The following FRMD4A variants were observed in gnomAD, a reference collection of about 807,000 sequenced individuals.
FRMD4A encodes the protein FERM domain-containing protein 4A.
FRMD4A carries 29 observed loss-of-function variants against 129.1 expected under a neutral mutation model. The observed-to-expected ratio is 0.22, with a 90% confidence interval of 0.17 to 0.31. The LOEUF is 0.31. FRMD4A is among the 10% of genes least tolerant of loss of function. The probability of loss-of-function intolerance (pLI) is 1.00; values close to 1 mark genes in which losing one functional copy is unlikely to be tolerated. For synonymous variants in FRMD4A, 634 were observed against 571.6 expected, an observed-to-expected ratio of 1.11 and a Z score of -1.56; for missense variants, 1,272 against 1,375.8, an observed-to-expected ratio of 0.92 and a Z score of 1.19.
rs201346445 is a variant in FRMD4A at position 14,128,062 on chromosome 10, T to C, written c.45+201996A>G. On this transcript the variant is annotated intron_variant, in intron 2 of 24. Transcript: ENST00000357447. ...TTTCTTTCCCTCTTTCTTTCTTTCTTTCTTTCTTTCTTTCTTTCTTTCTTT... is the reference window on the plus strand; with the variant it reads ...TTTCTTTCCCTCTTTCTTTCTTTCTCTCTTTCTTTCTTTCTTTCTTTCTTT... Among the ~76,000 whole-genome samples, 291 of 63,390 alleles carry C rather than the reference T, an allele frequency of 4.6e-3. 2 individuals are homozygous for C. The highest frequency in any genetic ancestry group is 0.021 in the Admixed American group (112 of 5,426). 41.6% of individuals were successfully genotyped at this position (63,390 alleles called of 152,430 possible).
intron 15 of FRMD4A, 193 bp downstream of exon 15, chr10:13,693,705 T>A: frequency 7.2e-6 from 5 of 692,914 alleles, no homozygotes; most frequent in East Asian, 3.0e-5. Flanking sequence ...TTTTTTTCCC[T>A]TCCACTATTT....
intron 2 of FRMD4A, among the ~76,000 whole-genome samples, chr10:14,060,060 T>C (rs1429924448): frequency 6.6e-6 from 1 of 152,200 alleles, no homozygotes; most frequent in Non-Finnish European, 1.5e-5. Context: ...CTTTAACTAC[T>C]CTATCTCTAA....
At chr10:13,813,499 C>T (rs752351539) in intron 3 of FRMD4A, among the ~76,000 whole-genome samples, 2 of 152,160 alleles carry the variant, frequency 1.3e-5, no homozygotes, top group Non-Finnish European at 2.9e-5. Flanking sequence ...GGGGCTACAT[C>T]GTGGTAAGCT....
At chr10:14,031,866 G>C (rs572127760) in intron 2 of FRMD4A, among the ~76,000 whole-genome samples, 1 of 149,482 alleles carries the variant, frequency 6.7e-6, no homozygotes, top group Non-Finnish European at 1.5e-5. Context: ...ACCCAACTCT[G>C]ACTTAGATTT....
At chr10:13,658,149 A>G (rs998467349) in intron 21 of FRMD4A, among the ~76,000 whole-genome samples, 21 of 150,960 alleles carry the variant, frequency 1.4e-4, no homozygotes, top group African/African-American at 4.4e-4. Flanking sequence ...AAAAAAAAAA[A>G]AAAAAAAAGA....
At chr10:14,197,163 CTCAGTTGT>C (rs1248430011) in intron 2 of FRMD4A, among the ~76,000 whole-genome samples, 2 of 152,154 alleles carry the variant, frequency 1.3e-5, no homozygotes, top group African/African-American at 4.8e-5. Context: ...GGTCTGGTAC[CTCAGTTGT>C]TCAATTCATT....
intron 5 of FRMD4A, among the ~76,000 whole-genome samples, chr10:13,784,806 A>G (rs1193106287): frequency 6.6e-6 from 1 of 152,156 alleles, no homozygotes; most frequent in Non-Finnish European, 1.5e-5. Context: ...CCTGGCCACC[A>G]TGGTGAAACC....
Position 13,749,577 on chromosome 10 carries a change from C to G in FRMD4A, c.465-1758G>C, listed in dbSNP as rs573703702. Among the ~76,000 whole-genome samples, 3 of 152,268 alleles carry G rather than the reference C, an allele frequency of 2.0e-5. No homozygotes were observed. The East Asian group carries it at 5.8e-4, about 29-fold the overall frequency. On this transcript the variant is annotated intron_variant, in intron 8 of 24. Transcript: ENST00000357447. ...AGCGTCACCATTGGATGCCCAGTGC[C>G]ACTGGGCAAAACCACACCAATACAC... is the stretch of plus-strand genomic sequence containing the variant.
At chr10:13,663,947 A>G (rs2082827153) in intron 18 of FRMD4A, among the ~76,000 whole-genome samples, 1 of 152,232 alleles carries the variant, frequency 6.6e-6, no homozygotes, top group Non-Finnish European at 1.5e-5. Context: ...TGTGGCAATA[A>G]ATGGCTTCTC....
At chr10:13,776,622 G>C (rs1281088003) in intron 6 of FRMD4A, among the ~76,000 whole-genome samples, 3 of 152,164 alleles carry the variant, frequency 2.0e-5, no homozygotes, top group South Asian at 2.1e-4. Flanking sequence ...CTATTACTTT[G>C]ATAGAAACAA....
chr10:14,091,312 C>A (rs2131752397), intron 2 of FRMD4A, among the ~76,000 whole-genome samples: 1 of 152,198 alleles, frequency 6.6e-6, no homozygotes, highest in Non-Finnish European at 1.5e-5. Flanking sequence ...TCCAACACAC[C>A]ACTAGAACTC....
intron 2 of FRMD4A, among the ~76,000 whole-genome samples, chr10:14,027,861 C>T (rs527787227): frequency 3.2e-4 from 49 of 152,262 alleles, no homozygotes; most frequent in Admixed American, 2.6e-3. Context: ...CTGAAGAATG[C>T]ACAGGAAATT....
chr10:13,809,683 G>T (rs1012526163), intron 4 of FRMD4A, among the ~76,000 whole-genome samples: 2 of 152,134 alleles, frequency 1.3e-5, no homozygotes, highest in Non-Finnish European at 2.9e-5. Flanking sequence ...GCTCCTCCCA[G>T]CTTTCTTGAG....
intron 2 of FRMD4A, among the ~76,000 whole-genome samples, chr10:13,921,205 T>C (rs1352809732): frequency 6.6e-6 from 1 of 152,096 alleles, no homozygotes; most frequent in Admixed American, 6.5e-5. Context: ...TTTAGTTTTC[T>C]CTCTCTTTTT....
chr10:13,977,377 G>A (rs142652554), intron 2 of FRMD4A, among the ~76,000 whole-genome samples: 4 of 152,242 alleles, frequency 2.6e-5, no homozygotes, highest in Non-Finnish European at 4.4e-5. Context: ...ACTGAATGCC[G>A]TTAAGCAATC....
intron 2 of FRMD4A, among the ~76,000 whole-genome samples, chr10:14,229,843 A>G (rs1843575781): frequency 6.6e-6 from 1 of 152,254 alleles, no homozygotes; most frequent in Admixed American, 6.5e-5. Flanking sequence ...ATCACATTGT[A>G]ACAAAGCTGA....
chr10:14,089,353 G>A (rs559263070), intron 2 of FRMD4A, among the ~76,000 whole-genome samples: 2 of 152,010 alleles, frequency 1.3e-5, no homozygotes, highest in Non-Finnish European at 2.9e-5. Flanking sequence ...CACCAGCCCC[G>A]CAGTGCATGA....
chr10:14,132,505 G>T (rs1437721345), intron 2 of FRMD4A, among the ~76,000 whole-genome samples: 1 of 152,192 alleles, frequency 6.6e-6, no homozygotes, highest in Non-Finnish European at 1.5e-5. Context: ...TGAAGAGGTT[G>T]TTATCAATCT....
chr10:14,271,323 C>T (rs570784863), intron 2 of FRMD4A, among the ~76,000 whole-genome samples: 6 of 152,282 alleles, frequency 3.9e-5, no homozygotes, highest in East Asian at 1.9e-4. Flanking sequence ...ATTCCAGGTC[C>T]GGGTTGCAGG....
Sources: allele counts gnomAD v4.1 joint callset (sites outside exome capture counted in the v4.1 genomes callset), GRCh38; gene constraint gnomAD v4.1.1; transcripts MANE v1.5; gene names NCBI Gene and HGNC (gene_info 2026-07-23, HGNC 2026-07-21).